The following IL17B variants were observed in gnomAD, a reference collection of about 807,000 sequenced individuals.
IL17B encodes interleukin 17B, also known as interleukin-17B.
Under a neutral mutation model 14.7 loss-of-function variants are expected in IL17B, and 14 were observed. The ratio of observed to expected loss-of-function variants is 0.95; its 90% CI spans 0.63 to 1.49. The LOEUF (loss-of-function observed/expected upper bound fraction) is 1.49, where lower values mean the gene tolerates loss of function less well. IL17B is among the 40% of genes most tolerant of loss of function. The probability of loss-of-function intolerance (pLI) is 0.00; values close to 1 mark genes in which losing one functional copy is unlikely to be tolerated. For missense variants in IL17B, 233 were observed against 252.8 expected (o/e 0.92, Z 0.53); for synonymous variants, 105 against 94.8 (o/e 1.11, Z -0.62).
rs1189412018 is a variant in IL17B at position 149,392,947 on chromosome 5, C to CAT, written n.95+11160_95+11161insAT. Among the ~76,000 whole-genome samples the CAT allele has an allele frequency of 1.7e-3, 257 of 149,444 alleles. 3 individuals carry two copies. The East Asian group carries it at 0.045, about 26-fold the overall frequency. On this transcript the variant is annotated intron_variant and non_coding_transcript_variant, in intron 1 of 2. Transcript: ENST00000505432. ...GCATGTGTGTGTACGTGCGTGTGTG[C>CAT]GTGCGTGTGTGCGTGTGTGTGCGCG...
At position 149,398,551 on chromosome 5, in the gene IL17B, T is replaced by C. The variant is rs1759142825; in HGVS notation, n.95+5557A>G. On this transcript the variant is annotated intron_variant and non_coding_transcript_variant, in intron 1 of 2. Coordinates refer to the IL17B transcript ENST00000505432. ...ACCCAGGCAGCACAATTCTTTACTGTATTTGTCCATTTTCACACTGCTGAT... is the reference window on the plus strand; with the variant it reads ...ACCCAGGCAGCACAATTCTTTACTGCATTTGTCCATTTTCACACTGCTGAT... Among the ~76,000 whole-genome samples the C allele has an allele frequency of 2.0e-5, 3 of 152,178 alleles. No individual in the cohort carries two copies. The South Asian group carries it at 6.2e-4, about 32-fold the overall frequency.
At chr5:149,398,477 C>A (rs999157513) in intron 1 of IL17B, among the ~76,000 whole-genome samples, 1 of 152,156 alleles carries the variant, frequency 6.6e-6, no homozygotes, top group Non-Finnish European at 1.5e-5. Flanking sequence ...GAAAAGAGAG[C>A]GGCAGACACA....
chr5:149,400,180 A>G (rs1759178727), intron 1 of IL17B, among the ~76,000 whole-genome samples: 2 of 152,330 alleles, frequency 1.3e-5, no homozygotes, highest in Non-Finnish European at 2.9e-5. Context: ...AGACTGGATT[A>G]GGGTGGGCCC....
intron 1 of IL17B, among the ~76,000 whole-genome samples, chr5:149,398,428 A>G (rs1377140053): frequency 6.6e-6 from 1 of 152,210 alleles, no homozygotes; most frequent in East Asian, 1.9e-4. Flanking sequence ...GGTGCTGAGC[A>G]CAGCATTTTG....
chr5:149,390,489 C>G (rs913389886), intron 1 of IL17B, among the ~76,000 whole-genome samples: 1 of 150,342 alleles, frequency 6.7e-6, no homozygotes, highest in Non-Finnish European at 1.5e-5. Flanking sequence ...GGCTCTGTTG[C>G]AAGCTCAGCC....
intron 1 of IL17B, among the ~76,000 whole-genome samples, chr5:149,402,725 C>T (rs1041887506): frequency 4.0e-5 from 6 of 150,712 alleles, no homozygotes; most frequent in Admixed American, 6.6e-5. Context: ...AAACTCGTGC[C>T]GGGCACGGTG....
At chr5:149,397,021 A>G (rs942290798) in intron 1 of IL17B, among the ~76,000 whole-genome samples, 1 of 152,208 alleles carries the variant, frequency 6.6e-6, no homozygotes, top group Admixed American at 6.5e-5. Context: ...CACTTCTTTG[A>G]TATTTGAAAT....
chr5:149,402,226 T>C (rs1430607920), intron 1 of IL17B, among the ~76,000 whole-genome samples: 1 of 152,106 alleles, frequency 6.6e-6, no homozygotes, highest in Non-Finnish European at 1.5e-5. Flanking sequence ...TGGTGAGTAA[T>C]ATTCGAGTTG....
chr5:149,375,952 G>T (rs1228760560), intron 2 of IL17B, among the ~76,000 whole-genome samples: 3 of 152,214 alleles, frequency 2.0e-5, no homozygotes, highest in Admixed American at 6.5e-5. Context: ...CTCAGTAGCT[G>T]CATGAGGCTA....
At chr5:149,401,378 A>T (rs1759203242) in intron 1 of IL17B, among the ~76,000 whole-genome samples, 1 of 152,242 alleles carries the variant, frequency 6.6e-6, no homozygotes, top group Non-Finnish European at 1.5e-5. Flanking sequence ...AAAACAAAGT[A>T]AGCTGTCAAG....
At position 149,376,893 on chromosome 5, in the gene IL17B, G is replaced by A. The variant is rs141618878; in HGVS notation, c.154C>T (p.Arg52Trp). The change falls in exon 2 of 3, where the codon CGG becomes TGG. Residue 52 changes from arginine to tryptophan, a missense_variant. By Grantham distance (101) the Arg-to-Trp change is moderately radical (BLOSUM62 -3). Coordinates refer to ENST00000261796, the MANE Select transcript of IL17B (RefSeq NM_014443.3). ...PHQVPLDLVS[R>W]MKPYARMEEY... ...TCCATGCGGGCATACGGTTTCATCC[G>A]TGACACCAGGTCCAGTGGCACCTGG... The A allele has an allele frequency of 3.4e-5, 55 of 1,614,024 alleles. No individual in the cohort carries two copies. The highest frequency in any genetic ancestry group is 1.7e-4 in the Admixed American group (10 of 60,006).
At chr5:149,399,452 C>T (rs183238642) in intron 1 of IL17B, among the ~76,000 whole-genome samples, 3 of 152,138 alleles carry the variant, frequency 2.0e-5, no homozygotes, top group East Asian at 3.9e-4. Flanking sequence ...ATGGTAGTGG[C>T]GGGAAGTTGA....
intron 1 of IL17B, among the ~76,000 whole-genome samples, chr5:149,392,399 GA>G (rs1326361143): frequency 6.6e-6 from 1 of 152,212 alleles, no homozygotes; most frequent in Non-Finnish European, 1.5e-5. Context: ...ACCATTCAAA[GA>G]ATGAGGCAGC....
chr5:149,382,223 T>C (rs1473824964), upstream of IL17B, among the ~76,000 whole-genome samples: 1 of 152,104 alleles, frequency 6.6e-6, no homozygotes, highest in Non-Finnish European at 1.5e-5. Flanking sequence ...AGTGACCCTA[T>C]TGTTGATGAG....
At chr5:149,384,252 C>G (rs1758773411), upstream of IL17B, among the ~76,000 whole-genome samples, 2 of 152,180 alleles carry the variant, frequency 1.3e-5, no homozygotes, top group African/African-American at 4.8e-5. Context: ...GACATTTGCC[C>G]TGCCCCTTAT....
At chr5:149,391,369 A>T (rs928621130) in intron 1 of IL17B, among the ~76,000 whole-genome samples, 1 of 152,224 alleles carries the variant, frequency 6.6e-6, no homozygotes, top group Non-Finnish European at 1.5e-5. Context: ...GCTTAGAGGC[A>T]TGGAGAACCT....
At chr5:149,392,981 T>C (rs62380282) in intron 1 of IL17B, among the ~76,000 whole-genome samples, 48 of 142,974 alleles carry the variant, frequency 3.4e-4, no homozygotes, top group African/African-American at 9.1e-4. Context: ...CGCGTGCGTG[T>C]GTGTGTGCGT....
intron 2 of IL17B, among the ~76,000 whole-genome samples, chr5:149,375,554 A>G (rs1758506386): frequency 6.6e-6 from 1 of 152,216 alleles, no homozygotes; most frequent in Admixed American, 6.5e-5. Flanking sequence ...CACATTCTGG[A>G]GCTGCACTGT....
intron 1 of IL17B, among the ~76,000 whole-genome samples, chr5:149,392,203 C>T (rs1303741814): frequency 6.6e-6 from 1 of 152,250 alleles, no homozygotes; most frequent in Non-Finnish European, 1.5e-5. Flanking sequence ...GGAAATGACA[C>T]AAAGACCAGG....
Sources: gnomAD v4.1 joint callset for allele counts (sites outside exome capture counted in the v4.1 genomes callset) on GRCh38, gnomAD v4.1.1 for gene constraint, MANE v1.5 for transcripts, NCBI Gene and HGNC (gene_info 2026-07-23, HGNC 2026-07-21) for gene names.